Variants in PTPRA observed in about 807,000 individuals in gnomAD.
PTPRA encodes receptor-type tyrosine-protein phosphatase alpha.
A neutral mutation model predicts 104.8 loss-of-function variants in PTPRA; 25 were observed. That is an observed-to-expected ratio of 0.24 (90% CI 0.17 to 0.33). The LOEUF (loss-of-function observed/expected upper bound fraction) is 0.33. Ranked by LOEUF, PTPRA falls within the 10% of genes least tolerant of loss-of-function variation. The pLI is 1.00. For synonymous variants in PTPRA, 323 were observed against 368.9 expected (o/e 0.88, Z 1.43); for missense variants, 765 against 1,015.3 (o/e 0.75, Z 3.35).
chr20:2,864,642 T>C, the PTPRA span: 7 of 1,614,036 alleles, frequency 4.3e-6, no homozygotes, highest in South Asian at 5.5e-5. The surrounding 1 kb of genome is among the most constrained non-coding windows in gnomAD (Gnocchi z 5.2). Context: ...GAGCCAGCTA[T>C]GCTGCAGAAG....
chr20:3,005,780 G>T (rs2063839435), intron 10 of PTPRA, among the ~76,000 whole-genome samples: 1 of 152,118 alleles, frequency 6.6e-6, no homozygotes, highest in South Asian at 2.1e-4. Context: ...GGTAGAGATG[G>T]TTTTTTGTGG....
At chr20:3,028,861 C>T (rs995256151) in intron 20 of PTPRA, among the ~76,000 whole-genome samples, 1 of 152,058 alleles carries the variant, frequency 6.6e-6, no homozygotes, top group Non-Finnish European at 1.5e-5. Flanking sequence ...ATTAGAAATG[C>T]GAAAGCTGTG....
At chr20:2,994,893 G>A (rs1232269593) in intron 9 of PTPRA, among the ~76,000 whole-genome samples, 1 of 152,236 alleles carries the variant, frequency 6.6e-6, no homozygotes, top group East Asian at 1.9e-4. Context: ...ACTTTGGGAG[G>A]CTGAGGCAGG....
At chr20:2,980,058 A>G (rs1357861488) in intron 6 of PTPRA, among the ~76,000 whole-genome samples, 1 of 151,920 alleles carries the variant, frequency 6.6e-6, no homozygotes, top group African/African-American at 2.4e-5. Flanking sequence ...GATTACAGGC[A>G]TGTGCCACCA....
chr20:2,988,304 G>A (rs751597347), intron 8 of PTPRA, 34 bp from the exon 9 acceptor site: 2 of 1,573,134 alleles, frequency 1.3e-6, no homozygotes, highest in African/African-American at 1.4e-5. Context: ...GGTTCTCAGG[G>A]TACCTGACTG....
chr20:2,899,472 A>G (rs1052453588), intron 1 of PTPRA, among the ~76,000 whole-genome samples: 2 of 152,020 alleles, frequency 1.3e-5, no homozygotes, highest in Non-Finnish European at 2.9e-5. Flanking sequence ...AAAGTGCTAG[A>G]AAGTTGTTAG....
At chr20:2,916,437 CT>C (rs2059906717) in intron 1 of PTPRA, among the ~76,000 whole-genome samples, 1 of 152,216 alleles carries the variant, frequency 6.6e-6, no homozygotes, top group African/African-American at 2.4e-5. Context: ...AGAGCCTGTT[CT>C]TTCCCCATTG....
At chr20:3,027,592 G>T in intron 19 of PTPRA, 115 bp from the exon 20 acceptor site, 1 of 1,392,316 alleles carries the variant, frequency 7.2e-7, no homozygotes, top group Non-Finnish European at 9.7e-7. Context: ...GGGGAGCTCT[G>T]CATGGGCTGA....
intron 2 of PTPRA, among the ~76,000 whole-genome samples, chr20:2,926,019 G>C (rs1446316332): frequency 1.3e-5 from 2 of 151,972 alleles, no homozygotes; most frequent in Non-Finnish European, 1.5e-5. Flanking sequence ...ATGCACAAGG[G>C]CTTCAATTTC....
chr20:2,979,880 A>T (rs2062599158), intron 6 of PTPRA, among the ~76,000 whole-genome samples: 1 of 146,826 alleles, frequency 6.8e-6, no homozygotes, highest in Admixed American at 6.9e-5. Flanking sequence ...TTCCCTCCTA[A>T]TCATGTTGGT....
chr20:2,909,367 G>T (rs963571904), intron 1 of PTPRA, among the ~76,000 whole-genome samples: 1 of 152,154 alleles, frequency 6.6e-6, no homozygotes, highest in East Asian at 1.9e-4. Flanking sequence ...GGCTGAGGCT[G>T]AGGTCAGGAG....
intron 1 of PTPRA, among the ~76,000 whole-genome samples, chr20:2,906,966 T>G (rs2059448908): frequency 6.6e-6 from 1 of 152,214 alleles, no homozygotes; most frequent in Non-Finnish European, 1.5e-5. Context: ...TATTTCCTTG[T>G]GCATTAAGGT....
intron 2 of PTPRA, among the ~76,000 whole-genome samples, chr20:2,946,427 A>C (rs758726939): frequency 2.1e-4 from 32 of 152,328 alleles, no homozygotes; most frequent in Non-Finnish European, 4.1e-4. Flanking sequence ...AAAAGAGAGC[A>C]AACATGGAAT....
intron 1 of PTPRA, among the ~76,000 whole-genome samples, chr20:2,913,076 G>A (rs1393254452): frequency 6.6e-6 from 1 of 151,924 alleles, no homozygotes; most frequent in South Asian, 2.1e-4. Flanking sequence ...ACTTTAATGA[G>A]CATTAAATCT....
intron 1 of PTPRA, among the ~76,000 whole-genome samples, chr20:2,916,490 G>A (rs899995019): frequency 2.0e-5 from 3 of 152,156 alleles, no homozygotes; most frequent in African/African-American, 7.2e-5. Context: ...GTTGACCATA[G>A]GGCATGGTGG....
chr20:2,924,279 G>C (rs1370177523), intron 2 of PTPRA, among the ~76,000 whole-genome samples: 1 of 152,194 alleles, frequency 6.6e-6, no homozygotes, highest in Non-Finnish European at 1.5e-5. Context: ...GCTCACGCCT[G>C]TAATCCCAGC....
At chr20:3,019,009 G>A (rs1321088090) in intron 13 of PTPRA, among the ~76,000 whole-genome samples, 1 of 138,276 alleles carries the variant, frequency 7.2e-6, no homozygotes, top group Non-Finnish European at 1.6e-5. Flanking sequence ...TCCCGGACAG[G>A]GCAGCTGGCC....
chr20:2,889,906 C>T (rs1268473641), intron 1 of PTPRA, among the ~76,000 whole-genome samples: 1 of 151,998 alleles, frequency 6.6e-6, no homozygotes, highest in African/African-American at 2.4e-5. Flanking sequence ...TTTTTTGAGA[C>T]AGGATCTTGG....
At chr20:2,883,468 C>T (rs1225354981) in intron 1 of PTPRA, among the ~76,000 whole-genome samples, 1 of 30,936 alleles carries the variant, frequency 3.2e-5, no homozygotes, top group Non-Finnish European at 4.8e-5. Context: ...CTGGCTAACA[C>T]GGTGAAACCC....
Sources: gnomAD v4.1 joint callset for allele counts (sites outside exome capture counted in the v4.1 genomes callset) on GRCh38, gnomAD v4.1.1 for gene constraint, Gnocchi (gnomAD v3.1) non-coding constraint, MANE v1.5 for transcripts, NCBI Gene and HGNC (gene_info 2026-07-23, HGNC 2026-07-21) for gene names.